The following PALD1 variants were observed in gnomAD, a reference collection of about 807,000 sequenced individuals.
PALD1 encodes paladin.
A neutral mutation model predicts 96.0 loss-of-function variants in PALD1; 57 were observed. That is an observed-to-expected ratio of 0.59 (90% CI 0.48 to 0.74). The LOEUF is 0.74. PALD1 is among the 30% of genes least tolerant of loss of function. The pLI is 0.00. For missense variants in PALD1, 1,063 were observed against 1,143.7 expected (o/e 0.93, Z 1.02); for synonymous variants, 464 against 473.6 (o/e 0.98, Z 0.26).
rs117032034 is a variant in PALD1 at position 70,561,334 on chromosome 10, C to T, written c.2263-3030C>T. On this transcript the variant is annotated intron_variant, in intron 18 of 19. Transcript: ENST00000263563. ...AAAGCAGTTTAGAATGGCTCTTGCC[C>T]GGTGGAACTGTGGGTGATTTCCTTT... Among the ~76,000 whole-genome samples, 1,464 of 152,306 alleles carry T rather than the reference C, an allele frequency of 9.6e-3. 8 individuals carry two copies. The highest frequency in any genetic ancestry group is 0.041 in the Middle Eastern group (12 of 294).
intron 17 of PALD1, among the ~76,000 whole-genome samples, chr10:70,544,180 A>G (rs1384236928): frequency 6.6e-6 from 1 of 152,198 alleles, no homozygotes; most frequent in East Asian, 1.9e-4. Context: ...AGAGGACTTC[A>G]TAGAGGAGGC....
chr10:70,528,899 C>T (rs773974841), intron 2 of PALD1, among the ~76,000 whole-genome samples: 9 of 152,152 alleles, frequency 5.9e-5, no homozygotes. Context: ...ATAGAAGGCA[C>T]CTCTTCTCTT....
At chr10:70,531,981 TAA>T (rs71472975) in intron 5 of PALD1, among the ~76,000 whole-genome samples, 7 of 136,620 alleles carry the variant, frequency 5.1e-5, no homozygotes, top group Admixed American at 1.5e-4. Context: ...AAACTCTTTC[TAA>T]AAAAAAAAAA....
rs1409596566 is a variant in PALD1, at chr10:70,540,753, G to A, written c.1909-349G>A. ...TGGGTCCAGCTCAGGTGGGTGGCAG[G>A]GCCAGCAGTCTATGTGCAGCCCAGG... On this transcript the variant is annotated intron_variant, in intron 15 of 19. Transcript: ENST00000263563. The surrounding 1 kb of genome is among the most constrained non-coding windows in gnomAD (Gnocchi z 4.2). Among the ~76,000 whole-genome samples the A allele has an allele frequency of 6.6e-6, 1 of 152,182 alleles. No homozygotes were observed. The highest frequency in any genetic ancestry group is 1.5e-5 in the Non-Finnish European group (1 of 68,022).
At chr10:70,473,651 AT>A in the PALD1 span, among the ~76,000 whole-genome samples, 117,713 of 149,228 alleles carry the variant, frequency 0.79, 47,394 homozygotes, top group East Asian at 0.93. Flanking sequence ...TTACAGACTA[AT>A]TTTTTTTTTT....
At chr10:70,491,394 G>A (rs749928868) in intron 1 of PALD1, among the ~76,000 whole-genome samples, 2 of 150,594 alleles carry the variant, frequency 1.3e-5, no homozygotes, top group Non-Finnish European at 3.0e-5. Context: ...GCTATGGGGT[G>A]GCTCTGTTCT....
In PALD1 at chr10:70,534,090, C is replaced by T. The variant is rs1411862382; in HGVS notation, c.1022+17C>T. On this transcript the variant is annotated intron_variant, in intron 8 of 19. Transcript: ENST00000263563. ...CCAGCCAGAGTGAGTGGCCCGGGGCCCAGCGTCCTGAAGGGCTGTGGGGCC... is the reference window on the plus strand; with the variant it reads ...CCAGCCAGAGTGAGTGGCCCGGGGCTCAGCGTCCTGAAGGGCTGTGGGGCC... 3 of 1,577,366 alleles carry T rather than the reference C, an allele frequency of 1.9e-6. No homozygotes were observed. Among genetic ancestry groups the T allele is most frequent in the African/African-American group, 1.3e-5 (1 of 74,190 alleles).
chr10:70,482,619 G>A (rs1302164557), intron 1 of PALD1, among the ~76,000 whole-genome samples: 1 of 152,042 alleles, frequency 6.6e-6, no homozygotes, highest in Non-Finnish European at 1.5e-5. Flanking sequence ...CATCTGCCTC[G>A]ACCATCTTCC....
At chr10:70,533,207 G>A in intron 7 of PALD1, 137 bp downstream of exon 7, 1 of 710,198 alleles carries the variant, frequency 1.4e-6, no homozygotes, top group South Asian at 1.7e-5. Flanking sequence ...TGTTAGGGTG[G>A]ACGTGTGTTG....
chr10:70,556,901 G>T (rs1346389860), intron 18 of PALD1, among the ~76,000 whole-genome samples: 1 of 152,198 alleles, frequency 6.6e-6, no homozygotes, highest in African/African-American at 2.4e-5. Flanking sequence ...TGTTTCTGCT[G>T]CAAGATCCAC....
the PALD1 span, among the ~76,000 whole-genome samples, chr10:70,459,955 C>G: frequency 2.0e-5 from 3 of 152,236 alleles, no homozygotes; most frequent in Admixed American, 6.5e-5. Flanking sequence ...TCACCCTTCA[C>G]CCGGTTCCAT....
intron 1 of PALD1, among the ~76,000 whole-genome samples, chr10:70,499,374 GC>G (rs1417114695): frequency 5.3e-5 from 8 of 152,288 alleles, no homozygotes; most frequent in Admixed American, 1.3e-4. Flanking sequence ...CCCTTCCTGG[GC>G]CCCAGCTTCT....
chr10:70,554,004 G>A lies in PALD1; in HGVS notation c.2262+6558G>A, dbSNP rs1847538368. Reference sequence around the variant, plus strand: ...AGCCTCGACCCTTCTCTCTATGCCTGTCTCAAGCAGCCCGACTTCACGGGG... The same window carrying A: ...AGCCTCGACCCTTCTCTCTATGCCTATCTCAAGCAGCCCGACTTCACGGGG... On this transcript the variant is annotated intron_variant, in intron 18 of 19. Coordinates refer to ENST00000263563, the MANE Select transcript of PALD1 (RefSeq NM_014431.3). Among the ~76,000 whole-genome samples the A allele has an allele frequency of 2.0e-5, 3 of 152,226 alleles. No individual in the cohort carries two copies. In the South Asian group the frequency reaches 6.2e-4, roughly 31 times the overall value.
In PALD1 at chr10:70,541,528, A is replaced by T. The variant is rs558704253; in HGVS notation, c.2115A>T (p.Glu705Asp). Residue 705 changes from glutamate to aspartate, a missense_variant, in exon 17 of 20, where the codon GAA (glutamate) becomes GAT (aspartate). Transcript: ENST00000263563. ...SVPDAKFTKG[E>D]FQVVMKVVQL... ...CTGATGCCAAGTTCACTAAGGGTGAATTTCAGGTGAGCATGCCCTGCGGGG... is the reference window on the plus strand; with the variant it reads ...CTGATGCCAAGTTCACTAAGGGTGATTTTCAGGTGAGCATGCCCTGCGGGG... 63 of 1,612,484 alleles carry T rather than the reference A, an allele frequency of 3.9e-5. No homozygotes were observed. Among genetic ancestry groups the T allele is most frequent in the Non-Finnish European group, 5.1e-5 (60 of 1,179,162 alleles).
chr10:70,492,448 C>CTTTTTTTTT (rs1157960799), intron 1 of PALD1, among the ~76,000 whole-genome samples: 2 of 80,166 alleles, frequency 2.5e-5, no homozygotes, highest in African/African-American at 4.1e-5. Flanking sequence ...GCATTTTTGA[C>CTTTTTTTTT]TTTTTTTTTT....
chr10:70,530,067 G>A lies in PALD1; in HGVS notation c.467G>A (p.Arg156Lys). 1 of 1,508,404 alleles carries A rather than the reference G, an allele frequency of 6.6e-7. No homozygotes were observed. Among genetic ancestry groups the A allele is most frequent in the Non-Finnish European group, 8.8e-7 (1 of 1,130,206 alleles). 93.4% of individuals were successfully genotyped at this position (1,508,404 alleles called of 1,614,324 possible). A position where few individuals can be genotyped will look rare whatever the true frequency, so the allele number is the denominator to read the frequency against. Residue 156 changes from arginine (R) to lysine (K), a missense_variant and splice_region_variant, in exon 4 of 20, where the codon AGG (arginine) becomes AAG (lysine). By Grantham distance (26) the Arg-to-Lys change is conservative (BLOSUM62 2). Transcript: ENST00000263563. ...CAGAAACTCCAGAAGGACGGACATA[G>A]GGTAAGTATGCCACTTCCCAGGCAG... Reference protein sequence around the residue: ...VLQKLQKDGHRECVIFCVREE... With the variant: ...VLQKLQKDGHKECVIFCVREE...
At chr10:70,526,856 C>G (rs1157436915) in intron 2 of PALD1, among the ~76,000 whole-genome samples, 1 of 152,142 alleles carries the variant, frequency 6.6e-6, no homozygotes, top group African/African-American at 2.4e-5. Flanking sequence ...TTCCAGGATG[C>G]AGGAAGCAGG....
chr10:70,551,392 G>C (rs1209575907), intron 18 of PALD1, among the ~76,000 whole-genome samples: 2 of 152,230 alleles, frequency 1.3e-5, no homozygotes, highest in Non-Finnish European at 2.9e-5. Context: ...AGCCTGGTCA[G>C]ATCCCCCACA....
chr10:70,490,685 T>G (rs550999832), intron 1 of PALD1, among the ~76,000 whole-genome samples: 4 of 152,284 alleles, frequency 2.6e-5, no homozygotes, highest in African/African-American at 9.6e-5. Flanking sequence ...CAGCCTTGGG[T>G]TGATGGTAGA....
Sources: gnomAD v4.1 joint callset for allele counts (sites outside exome capture counted in the v4.1 genomes callset) on GRCh38, gnomAD v4.1.1 for gene constraint, Gnocchi (gnomAD v3.1) non-coding constraint, MANE v1.5 for transcripts, NCBI Gene and HGNC (gene_info 2026-07-23, HGNC 2026-07-21) for gene names.